ZNF407: variants seen among roughly 807,000 people sequenced by gnomAD.
ZNF407 encodes the protein zinc finger protein 407.
In ZNF407, 17 loss-of-function variants were observed where a neutral mutation model predicts 131.2. The ratio of observed to expected loss-of-function variants is 0.13; its 90% CI spans 0.09 to 0.19. The LOEUF is 0.19. Ranked by LOEUF, ZNF407 falls within the 10% of genes least tolerant of loss-of-function variation. ZNF407 has a pLI of 1.00. For missense variants in ZNF407, 2,681 were observed against 2,830.6 expected (o/e 0.95, Z 1.20); for synonymous variants, 1,156 against 1,062.0 (o/e 1.09, Z -1.72).
chr18:74,757,432 T>C (rs569232648), intron 3 of ZNF407, among the ~76,000 whole-genome samples: 1 of 152,236 alleles, frequency 6.6e-6, no homozygotes, highest in South Asian at 2.1e-4. Flanking sequence ...GTATGTTTCA[T>C]TAACACATAT....
At chr18:74,804,138 TC>T in intron 4 of ZNF407, 1 of 1,499,804 alleles carries the variant, frequency 6.7e-7, no homozygotes, top group Non-Finnish European at 8.9e-7. Context: ...TATTTCATTG[TC>T]TTTTTTTTTT....
chr18:74,628,282 C>T (rs908263997), intron 1 of ZNF407, among the ~76,000 whole-genome samples: 2 of 151,974 alleles, frequency 1.3e-5, no homozygotes, highest in African/African-American at 4.8e-5. Context: ...GAGATATTTG[C>T]AGTTCAGTGG....
chr18:74,921,334 G>A (rs942199074), intron 8 of ZNF407, among the ~76,000 whole-genome samples: 25 of 152,302 alleles, frequency 1.6e-4, no homozygotes, highest in African/African-American at 4.1e-4. Context: ...CCTCCAGCCC[G>A]ACATTTTGTT....
At chr18:74,669,926 G>A (rs73971136) in intron 3 of ZNF407, among the ~76,000 whole-genome samples, 3 of 152,168 alleles carry the variant, frequency 2.0e-5, no homozygotes, top group Non-Finnish European at 2.9e-5. Context: ...GACAAAACCC[G>A]TAGACTCCCT....
Position 74,703,685 on chromosome 18 carries a change from A to G in ZNF407, c.4802+62563A>G, listed in dbSNP as rs1235865319. Among the ~76,000 whole-genome samples, 1 of 152,024 alleles carries G rather than the reference A, an allele frequency of 6.6e-6. No homozygotes were observed. Among genetic ancestry groups the G allele is most frequent in the East Asian group, 1.9e-4 (1 of 5,178 alleles). Reference sequence around the variant, plus strand: ...CCAGCCTAGATCTCTTTTATGGGCTATGAGATTGATTTTTTTTTTAACTGA... The same window carrying G: ...CCAGCCTAGATCTCTTTTATGGGCTGTGAGATTGATTTTTTTTTTAACTGA... On this transcript the variant is annotated intron_variant, in intron 3 of 8. Transcript: ENST00000299687. The surrounding 1 kb of genome is among the most constrained non-coding windows in gnomAD (Gnocchi z 4.1).
chr18:74,658,435 G>C (rs1412643439), intron 3 of ZNF407, among the ~76,000 whole-genome samples: 1 of 152,054 alleles, frequency 6.6e-6, no homozygotes, highest in Admixed American at 6.6e-5. Flanking sequence ...ATTTTTTAAA[G>C]TTGTTCAGTA....
At chr18:74,661,848 G>A (rs2144732278) in intron 3 of ZNF407, among the ~76,000 whole-genome samples, 1 of 152,252 alleles carries the variant, frequency 6.6e-6, no homozygotes. Flanking sequence ...TGAGAGTGCT[G>A]CGGCCATTTT....
chr18:74,870,713 T>C (rs1309284077), intron 4 of ZNF407, among the ~76,000 whole-genome samples: 2 of 152,194 alleles, frequency 1.3e-5, no homozygotes, highest in Non-Finnish European at 2.9e-5. Context: ...AAGGAAATGG[T>C]CAAAGATGAC....
chr18:75,000,372 A>G (rs1448876463), intron 8 of ZNF407, among the ~76,000 whole-genome samples: 4 of 152,242 alleles, frequency 2.6e-5, no homozygotes, highest in Non-Finnish European at 5.9e-5. Context: ...ATTTGTAAAT[A>G]TACTAATATT....
Position 74,607,190 on chromosome 18 carries a change from A to G in ZNF407, c.-54+9253A>G, listed in dbSNP as rs566738418. On this transcript the variant is annotated intron_variant, in intron 1 of 8. Transcript: ENST00000299687. ...ATCCTAATGTGTATCGGAGTCACCC[A>G]GAGGGTTTGGGCATCAACCAGAAAC... Among the ~76,000 whole-genome samples, 19 of 152,302 alleles carry G rather than the reference A, an allele frequency of 1.2e-4. No homozygotes were observed. The South Asian group carries it at 3.5e-3, about 28-fold the overall frequency.
intron 3 of ZNF407, among the ~76,000 whole-genome samples, chr18:74,731,102 A>G (rs556414784): frequency 1.3e-5 from 2 of 152,216 alleles, no homozygotes; most frequent in South Asian, 2.1e-4. Context: ...AATATTTTTT[A>G]TCTTGATTTT....
rs869191171 is a variant in ZNF407, at chr18:74,779,109, A to AT, written c.4803-2295dup. 8.4e-3 allele frequency among the ~76,000 whole-genome samples: 204 copies of AT among 24,424 alleles called. 16 individuals are homozygous for AT. The highest frequency in any genetic ancestry group is 9.7e-3 in the Non-Finnish European group (136 of 13,992). The allele number at this position is 24,424 out of a possible 152,430, so 16.0% of individuals were successfully genotyped here. On this transcript the variant is annotated intron_variant, in intron 3 of 8. Transcript: ENST00000299687. The stretch of plus-strand genomic sequence containing the variant: ...TTGGCATATATATATATATATATAT[A>AT]TTTTTTTTTTTTTTTTTTTTTTTTG...
intron 3 of ZNF407, among the ~76,000 whole-genome samples, chr18:74,731,901 T>A (rs1253786293): frequency 1.3e-5 from 2 of 152,082 alleles, no homozygotes; most frequent in East Asian, 3.9e-4. Context: ...GATCTGGAGA[T>A]CACCGTGGTA....
chr18:74,914,016 G>A (rs531896175), intron 7 of ZNF407, among the ~76,000 whole-genome samples: 48 of 152,242 alleles, frequency 3.2e-4, no homozygotes, highest in African/African-American at 1.1e-3. Flanking sequence ...AATTCTGTAC[G>A]TCAAAGCTGC....
intron 3 of ZNF407, among the ~76,000 whole-genome samples, chr18:74,744,497 A>G (rs1353888493): frequency 1.3e-5 from 2 of 152,192 alleles, no homozygotes; most frequent in Non-Finnish European, 2.9e-5. Flanking sequence ...ATAGTTTTAT[A>G]TTTTAAAACT....
intron 4 of ZNF407, among the ~76,000 whole-genome samples, chr18:74,816,298 T>A (rs1355427576): frequency 6.6e-6 from 1 of 152,206 alleles, no homozygotes; most frequent in Admixed American, 6.5e-5. Flanking sequence ...GAGTGGAATT[T>A]TCTTTCCAAA....
At chr18:75,050,798 G>A (rs926429465) in intron 8 of ZNF407, among the ~76,000 whole-genome samples, 9 of 152,192 alleles carry the variant, frequency 5.9e-5, no homozygotes, top group Non-Finnish European at 1.5e-5. Context: ...AAGGTAGTCA[G>A]TGCCTCAGCT....
chr18:74,704,232 C>T (rs997884642), intron 3 of ZNF407, among the ~76,000 whole-genome samples: 5 of 152,198 alleles, frequency 3.3e-5, no homozygotes, highest in Non-Finnish European at 5.9e-5. Flanking sequence ...CGCTGCGCTT[C>T]GTGGGCTTCC....
intron 8 of ZNF407, among the ~76,000 whole-genome samples, chr18:74,957,109 T>TA (rs1314596253): frequency 1.3e-5 from 2 of 152,164 alleles, no homozygotes; most frequent in African/African-American, 4.8e-5. Context: ...GCCTGGGCCA[T>TA]AACCTGCAGC....
Sources: allele counts gnomAD v4.1 joint callset (sites outside exome capture counted in the v4.1 genomes callset), GRCh38; gene constraint gnomAD v4.1.1; non-coding constraint Gnocchi (gnomAD v3.1); transcripts MANE v1.5; gene names NCBI Gene and HGNC (gene_info 2026-07-23, HGNC 2026-07-21).